The following PDZD2 variants were observed in gnomAD, a reference collection of about 807,000 sequenced individuals.
PDZD2 encodes the protein PDZ domain containing 2.
Under a neutral mutation model 220.7 loss-of-function variants are expected in PDZD2, and 90 were observed. The ratio of observed to expected loss-of-function variants is 0.41; its 90% CI spans 0.34 to 0.49. The LOEUF (loss-of-function observed/expected upper bound fraction) is 0.49, where lower values mean the gene tolerates loss of function less well. Among genes scored for constraint, PDZD2 ranks in the 20% least tolerant of loss-of-function variants. The pLI, the probability that PDZD2 is intolerant of heterozygous loss-of-function variation, is 0.28. For synonymous variants in PDZD2, 1,375 were observed against 1,450.5 expected (o/e 0.95, Z 1.18); for missense variants, 3,174 against 3,608.5 (o/e 0.88, Z 3.08).
chr5:32,093,442 C>T (rs1247276525), intron 21 of PDZD2, among the ~76,000 whole-genome samples: 2 of 152,096 alleles, frequency 1.3e-5, no homozygotes, highest in African/African-American at 2.4e-5. Context: ...GTAGTCCCGC[C>T]GTTGCCCTGA....
chr5:31,891,808 C>G (rs1393594282), intron 2 of PDZD2, among the ~76,000 whole-genome samples: 2 of 152,194 alleles, frequency 1.3e-5, no homozygotes, highest in African/African-American at 4.8e-5. Flanking sequence ...CCAGTGTGCT[C>G]AGTGGAGCCA....
intron 2 of PDZD2, among the ~76,000 whole-genome samples, chr5:31,971,796 TAAC>T (rs1212330526): frequency 6.6e-6 from 1 of 152,194 alleles, no homozygotes; most frequent in Non-Finnish European, 1.5e-5. Flanking sequence ...CAAAGGTCTT[TAAC>T]AACAGCCTAG....
chr5:31,884,799 C>T (rs1326839281), intron 2 of PDZD2, among the ~76,000 whole-genome samples: 1 of 152,002 alleles, frequency 6.6e-6, no homozygotes, highest in Non-Finnish European at 1.5e-5. Flanking sequence ...TCCACCACCA[C>T]TCCTGGCTAA....
intron 2 of PDZD2, chr5:31,855,092 C>G (rs1430202101): frequency 2.5e-5 from 25 of 985,342 alleles, no homozygotes; most frequent in Non-Finnish European, 2.9e-5. Context: ...GCGGATTACC[C>G]GGCGCCCAGC....
At chr5:31,651,096 C>G (rs1167183111) in intron 1 of PDZD2, among the ~76,000 whole-genome samples, 1 of 150,794 alleles carries the variant, frequency 6.6e-6, no homozygotes, top group East Asian at 2.0e-4. Flanking sequence ...TTAAAAATAA[C>G]TTCTATCTTG....
Position 31,985,322 on chromosome 5 carries a change from A to C in PDZD2, c.978+1666A>C, listed in dbSNP as rs558281968. On this transcript the variant is annotated intron_variant, in intron 3 of 24. Coordinates refer to ENST00000438447, the MANE Select transcript of PDZD2 (RefSeq NM_178140.4). ...TCATTTGAAGGTTTAAGGCACCAGG[A>C]GAAGGTTGAATCTCACATATAGTCC... Among the ~76,000 whole-genome samples, 4 of 152,300 alleles carry C rather than the reference A, an allele frequency of 2.6e-5. No individual in the cohort carries two copies. The East Asian group carries it at 7.7e-4, about 29-fold the overall frequency.
At chr5:32,010,776 A>C (rs184548001) in intron 6 of PDZD2, 2 of 416,058 alleles carry the variant, frequency 4.8e-6, no homozygotes, top group African/African-American at 4.1e-5. Context: ...CAGGTGGATC[A>C]CCTGAGGTCA....
intron 1 of PDZD2, among the ~76,000 whole-genome samples, chr5:31,773,845 T>C (rs1580727426): frequency 6.6e-6 from 1 of 152,234 alleles, no homozygotes; most frequent in Middle Eastern, 3.4e-3. Context: ...ATTTGTTAAA[T>C]TGGGAGAGCA....
chr5:31,753,267 G>A (rs1032515716), intron 1 of PDZD2, among the ~76,000 whole-genome samples: 2 of 152,234 alleles, frequency 1.3e-5, no homozygotes, highest in Admixed American at 6.5e-5. Flanking sequence ...CGTGCATGAT[G>A]AGGGGCACGG....
At chr5:31,940,784 G>A (rs1290236911) in intron 2 of PDZD2, among the ~76,000 whole-genome samples, 1 of 152,198 alleles carries the variant, frequency 6.6e-6, no homozygotes, top group Non-Finnish European at 1.5e-5. Flanking sequence ...TTGGTAAAAA[G>A]TCTCTATTTC....
intron 2 of PDZD2, among the ~76,000 whole-genome samples, chr5:31,868,020 A>AT (rs1738388636): frequency 6.6e-6 from 1 of 152,126 alleles, no homozygotes; most frequent in East Asian, 1.9e-4. Flanking sequence ...GAGGGTTATC[A>AT]TTTTGCAGAT....
At chr5:31,803,541 G>A (rs1430071504) in intron 2 of PDZD2, among the ~76,000 whole-genome samples, 1 of 151,986 alleles carries the variant, frequency 6.6e-6, no homozygotes, top group Non-Finnish European at 1.5e-5. Flanking sequence ...CCCGGTGTCT[G>A]GCCCTGGAGT....
chr5:31,951,796 T>C (rs1747206895), intron 2 of PDZD2, among the ~76,000 whole-genome samples: 1 of 152,232 alleles, frequency 6.6e-6, no homozygotes, highest in Non-Finnish European at 1.5e-5. Context: ...TGCTCTTGTA[T>C]GTGATCACTG....
At chr5:31,883,508 A>G (rs950185960) in intron 2 of PDZD2, among the ~76,000 whole-genome samples, 3 of 152,006 alleles carry the variant, frequency 2.0e-5, no homozygotes, top group Non-Finnish European at 4.4e-5. Flanking sequence ...GGCATGAGCC[A>G]CCGTGTCTGG....
chr5:32,036,518 T>C (rs1489164910), intron 6 of PDZD2, among the ~76,000 whole-genome samples: 1 of 152,178 alleles, frequency 6.6e-6, no homozygotes, highest in Non-Finnish European at 1.5e-5. Context: ...TTTAGCATGT[T>C]GGGTTTCTCT....
At chr5:31,647,972 C>T (rs1483566532) in intron 1 of PDZD2, among the ~76,000 whole-genome samples, 2 of 152,246 alleles carry the variant, frequency 1.3e-5, no homozygotes, top group East Asian at 3.9e-4. Flanking sequence ...AAATGTGCTC[C>T]GTGATTGTTC....
chr5:32,086,380 G>C (rs1473675707), intron 19 of PDZD2, among the ~76,000 whole-genome samples: 2 of 152,098 alleles, frequency 1.3e-5, no homozygotes, highest in Non-Finnish European at 2.9e-5. Flanking sequence ...GCCATCAGAG[G>C]GTGAATGGCA....
chr5:31,780,216 C>T (rs904711227), intron 1 of PDZD2, among the ~76,000 whole-genome samples: 16 of 151,738 alleles, frequency 1.1e-4, no homozygotes, highest in African/African-American at 1.7e-4. Flanking sequence ...GAGGGGAAGG[C>T]GGCAGGAAAA....
intron 2 of PDZD2, among the ~76,000 whole-genome samples, chr5:31,976,714 C>CTTTTTTTTTTTTTTTTTTTTTTTT (rs869280921): frequency 1.4e-4 from 14 of 99,718 alleles, no homozygotes; most frequent in South Asian, 3.4e-4. Flanking sequence ...TTTCTTCTTT[C>CTTTTTTTTTTTTTTTTTTTTTTTT]TTTTTTTTTT....
Sources: allele counts gnomAD v4.1 joint callset (sites outside exome capture counted in the v4.1 genomes callset), GRCh38; gene constraint gnomAD v4.1.1; transcripts MANE v1.5; gene names NCBI Gene and HGNC (gene_info 2026-07-23, HGNC 2026-07-21).